Variants in ASB4 observed in about 807,000 individuals in gnomAD.
The protein encoded by ASB4 is ankyrin repeat and SOCS box protein 4.
Under a neutral mutation model 38.6 loss-of-function variants are expected in ASB4, and 35 were observed. The ratio of observed to expected loss-of-function variants is 0.91; its 90% CI spans 0.69 to 1.20. ASB4 has a LOEUF of 1.20. Ranked by LOEUF, ASB4 falls within the 50% of genes most tolerant of loss-of-function variation. The probability of loss-of-function intolerance (pLI) is 0.00; values close to 1 mark genes in which losing one functional copy is unlikely to be tolerated. For synonymous variants in ASB4, 195 were observed against 201.3 expected, an observed-to-expected ratio of 0.97 and a Z score of 0.26; for missense variants, 557 against 527.2, an observed-to-expected ratio of 1.06 and a Z score of -0.55.
At chr7:95,478,922 C>G (rs1313374723) in intron 1 of ASB4, among the ~76,000 whole-genome samples, 1 of 152,174 alleles carries the variant, frequency 6.6e-6, no homozygotes, top group Non-Finnish European at 1.5e-5. Context: ...AGCAGTTCTT[C>G]CAGCGCCCCC....
chr7:95,480,282 A>T (rs567762223), intron 1 of ASB4, among the ~76,000 whole-genome samples: 1 of 152,070 alleles, frequency 6.6e-6, no homozygotes, highest in African/African-American at 2.4e-5. Flanking sequence ...TAGCCCCTCC[A>T]CTGGTATAAA....
rs558832691 is a variant in ASB4 at position 95,535,379 on chromosome 7, C to T, written c.979-1058C>T. 5.6e-4 allele frequency among the ~76,000 whole-genome samples: 86 copies of T among 152,252 alleles called. 1 individual carries two copies. The highest frequency in any genetic ancestry group is 2.0e-3 in the African/African-American group (83 of 41,534). On this transcript the variant is annotated intron_variant, in intron 3 of 4. Transcript: ENST00000325885. Reference sequence around the variant, plus strand: ...CTCTCTTCTAATGCCTCACCTAACACCAAGTGAAAGGGGCTTTAGGAGGAC... The same window carrying T: ...CTCTCTTCTAATGCCTCACCTAACATCAAGTGAAAGGGGCTTTAGGAGGAC...
chr7:95,499,865 CTTTTTTTTTTTTTTTT>C (rs61250820), intron 2 of ASB4, among the ~76,000 whole-genome samples: 1 of 77,214 alleles, frequency 1.3e-5, no homozygotes, highest in African/African-American at 5.7e-5. Context: ...GATACATCCT[CTTTTTTTTTTTTTTTT>C]TTTTTTTTTT....
At chr7:95,480,723 A>C in intron 1 of ASB4, among the ~76,000 whole-genome samples, 1 of 152,254 alleles carries the variant, frequency 6.6e-6, no homozygotes, top group East Asian at 1.9e-4. Context: ...CACAGACATC[A>C]TAGAGCAGAG....
At chr7:95,549,911 C>G in the ASB4 span, among the ~76,000 whole-genome samples, 1 of 152,148 alleles carries the variant, frequency 6.6e-6, no homozygotes, top group Non-Finnish European at 1.5e-5. Context: ...GTCACTAGCT[C>G]CAAGATGGCA....
At chr7:95,523,443 C>T (rs1790690660) in intron 2 of ASB4, among the ~76,000 whole-genome samples, 1 of 152,020 alleles carries the variant, frequency 6.6e-6, no homozygotes, top group African/African-American at 2.4e-5. Context: ...AAAAGAAATA[C>T]CATTAGTTAA....
At chr7:95,543,813 G>A (rs1790999922), downstream of ASB4, 1 of 151,982 alleles carries the variant, frequency 6.6e-6, no homozygotes, top group Admixed American at 6.6e-5. Context: ...CAAAGAGTGG[G>A]GAAGCACCAT....
intron 2 of ASB4, among the ~76,000 whole-genome samples, chr7:95,522,353 A>G (rs1790675304): frequency 6.6e-6 from 1 of 152,120 alleles, no homozygotes; most frequent in Admixed American, 6.6e-5. Flanking sequence ...AAACACCTCT[A>G]TCAGTTCGAA....
At chr7:95,512,922 C>CA (rs938314266) in intron 2 of ASB4, among the ~76,000 whole-genome samples, 1 of 151,834 alleles carries the variant, frequency 6.6e-6, no homozygotes, top group Non-Finnish European at 1.5e-5. Context: ...CTTGATATGG[C>CA]AAAAAAAGCA....
At position 95,521,899 on chromosome 7, in the gene ASB4, A is replaced by G. The variant is rs552864170; in HGVS notation, c.488-5914A>G. On this transcript the variant is annotated intron_variant, in intron 2 of 4. Coordinates refer to ENST00000325885, the MANE Select transcript of ASB4 (RefSeq NM_016116.3). ...AGTAGTTACCTCTGTGGAGGAAAAA[A>G]TTATGGGAGAAAGAAGAAAGAAAAG... Among the ~76,000 whole-genome samples the G allele has an allele frequency of 8.3e-4, 127 of 152,248 alleles. 1 individual carries two copies. The highest frequency in any genetic ancestry group is 3.0e-3 in the African/African-American group (124 of 41,586).
upstream of ASB4, among the ~76,000 whole-genome samples, chr7:95,474,830 A>C (rs1356705278): frequency 6.6e-6 from 1 of 152,182 alleles, no homozygotes; most frequent in Admixed American, 6.5e-5. Flanking sequence ...TCTAAAAATT[A>C]GTTTTTATAT....
At chr7:95,529,372 G>T (rs1454549609) in intron 3 of ASB4, among the ~76,000 whole-genome samples, 1 of 152,210 alleles carries the variant, frequency 6.6e-6, no homozygotes, top group East Asian at 1.9e-4. Context: ...CAAAGTAACA[G>T]ATGTTTTTCT....
the ASB4 span, among the ~76,000 whole-genome samples, chr7:95,545,565 A>G: frequency 6.7e-6 from 1 of 149,484 alleles, no homozygotes; most frequent in Admixed American, 6.6e-5. Context: ...TATTCTCTCC[A>G]TTTCTCTCTT....
At chr7:95,528,437 T>C in intron 3 of ASB4, 134 bp downstream of exon 3, 1 of 1,500,960 alleles carries the variant, frequency 6.7e-7, no homozygotes, top group Non-Finnish European at 8.9e-7. Context: ...TGACCTTCCA[T>C]TACATACCTA....
At chr7:95,521,471 T>C (rs1297993766) in intron 2 of ASB4, among the ~76,000 whole-genome samples, 2 of 152,120 alleles carry the variant, frequency 1.3e-5, no homozygotes, top group Non-Finnish European at 2.9e-5. Context: ...CTGATGGACA[T>C]ATACATTGAT....
At chr7:95,477,819 G>C (rs935969605), upstream of ASB4, among the ~76,000 whole-genome samples, 12 of 151,150 alleles carry the variant, frequency 7.9e-5, no homozygotes, top group Non-Finnish European at 1.8e-4. Context: ...TTTCTCTTTA[G>C]GTATACTATT....
chr7:95,545,890 G>C, the ASB4 span, among the ~76,000 whole-genome samples: 1 of 152,162 alleles, frequency 6.6e-6, no homozygotes, highest in Non-Finnish European at 1.5e-5. Flanking sequence ...TGAGTCACAG[G>C]TGTCCCATGC....
Position 95,538,452 on chromosome 7 carries a change from C to T in ASB4, c.*693C>T, listed in dbSNP as rs1340024794. The T allele has an allele frequency of 6.6e-6, 1 of 152,216 alleles. No individual in the cohort carries two copies. The highest frequency in any genetic ancestry group is 1.5e-5 in the Non-Finnish European group (1 of 68,062). 9.4% of individuals were successfully genotyped at this position (152,216 alleles called of 1,614,324 possible). A position where few individuals can be genotyped will look rare whatever the true frequency, so the allele number is the denominator to read the frequency against. Reference sequence around the variant, plus strand: ...TGACTCCTGCCTTCCAGGATCTCACCATTTAGCAGAGGATCCAGACATACA... The same window carrying T: ...TGACTCCTGCCTTCCAGGATCTCACTATTTAGCAGAGGATCCAGACATACA... On this transcript the variant is annotated 3_prime_UTR_variant, in exon 5 of 5. Transcript: ENST00000325885.
Position 95,495,615 on chromosome 7 carries a change from G to A in ASB4, c.188-143G>A, listed in dbSNP as rs974559625. ...ACGCTTGCAGACCCATTAGCTATTA[G>A]TTTAAAACCTCTGTCATCCCCTCTC... On this transcript the variant is annotated intron_variant, in intron 1 of 4. Coordinates refer to ENST00000325885, the MANE Select transcript of ASB4 (RefSeq NM_016116.3). 5.2e-6 allele frequency: 4 copies of A among 762,824 alleles called. No homozygotes were observed. In the South Asian group the frequency reaches 7.7e-5, roughly 15 times the overall value. 47.3% of individuals were successfully genotyped at this position (762,824 alleles called of 1,614,324 possible).
Sources: allele counts gnomAD v4.1 joint callset (sites outside exome capture counted in the v4.1 genomes callset), GRCh38; gene constraint gnomAD v4.1.1; transcripts MANE v1.5; gene names NCBI Gene and HGNC (gene_info 2026-07-23, HGNC 2026-07-21).